Variants in CAMTA1 observed in about 807,000 individuals in gnomAD.
CAMTA1 encodes the protein calmodulin binding transcription activator 1.
In CAMTA1, 27 loss-of-function variants were observed where a neutral mutation model predicts 170.9. The ratio of observed to expected loss-of-function variants is 0.16; its 90% confidence interval spans 0.12 to 0.22. CAMTA1 has a LOEUF of 0.22. Ranked by LOEUF, CAMTA1 falls within the 10% of genes least tolerant of loss-of-function variation. The pLI is 1.00. For missense variants in CAMTA1, 1,619 were observed against 2,217.2 expected (o/e 0.73, Z 5.42); for synonymous variants, 833 against 891.5 (o/e 0.93, Z 1.17).
intron 3 of CAMTA1, among the ~76,000 whole-genome samples, chr1:7,057,301 A>G (rs1707492655): frequency 6.6e-6 from 1 of 152,190 alleles, no homozygotes; most frequent in African/African-American, 2.4e-5. Context: ...TGCAGTGTGC[A>G]CAGGAGCAGC....
intron 3 of CAMTA1, among the ~76,000 whole-genome samples, chr1:6,911,783 T>C (rs1002090421): frequency 4.6e-5 from 7 of 152,220 alleles, no homozygotes; most frequent in Non-Finnish European, 8.8e-5. Flanking sequence ...AATTAACAAC[T>C]TCGAGTGATT....
Position 7,104,049 on chromosome 1 carries a change from CAACT to C in CAMTA1, c.302+12680_302+12683del, listed in dbSNP as rs1422808552. On this transcript the variant is annotated intron_variant, in intron 4 of 22. Coordinates refer to ENST00000303635, the MANE Select transcript of CAMTA1 (RefSeq NM_015215.4). ...ACACTACATATGCATACAACACACA[CAACT>C]ACACAGATGTACACACTACACAGAT... Among the ~76,000 whole-genome samples the C allele has an allele frequency of 5.6e-4, 85 of 150,540 alleles. 1 individual carries two copies. Among genetic ancestry groups the C allele is most frequent in the African/African-American group, 1.0e-3 (41 of 40,882 alleles).
intron 6 of CAMTA1, among the ~76,000 whole-genome samples, chr1:7,554,665 A>G (rs943322621): frequency 6.6e-6 from 1 of 152,036 alleles, no homozygotes; most frequent in Admixed American, 6.5e-5. Context: ...CCTCACACAA[A>G]CACTGACGAT....
At chr1:7,013,251 C>G (rs889497753) in intron 3 of CAMTA1, among the ~76,000 whole-genome samples, 1 of 130,538 alleles carries the variant, frequency 7.7e-6, no homozygotes, top group Non-Finnish European at 1.6e-5. Context: ...GTCTCGCCAG[C>G]CTGTTGCTCA....
chr1:7,512,274 AGTT>A (rs2094211295), intron 6 of CAMTA1, among the ~76,000 whole-genome samples: 1 of 152,246 alleles, frequency 6.6e-6, no homozygotes, highest in Non-Finnish European at 1.5e-5. Context: ...CAGAATCATC[AGTT>A]ATGTAACATG....
chr1:6,877,420 AT>A (rs1025516006), intron 3 of CAMTA1, among the ~76,000 whole-genome samples: 1 of 152,096 alleles, frequency 6.6e-6, no homozygotes, highest in African/African-American at 2.4e-5. Context: ...GTGTGGAAGG[AT>A]TTTTTGTCAT....
chr1:7,204,866 G>C (rs1573880200), intron 4 of CAMTA1, among the ~76,000 whole-genome samples: 1 of 109,208 alleles, frequency 9.2e-6, no homozygotes, highest in East Asian at 2.8e-4. Flanking sequence ...GTCTTGCTCT[G>C]TCACCCAGGC....
chr1:6,950,852 C>T (rs1227763691), intron 3 of CAMTA1, among the ~76,000 whole-genome samples: 1 of 152,202 alleles, frequency 6.6e-6, no homozygotes, highest in African/African-American at 2.4e-5. Flanking sequence ...GCTCTACAAT[C>T]GGATGCCCAG....
chr1:7,377,580 G>A (rs1366057226), intron 5 of CAMTA1, among the ~76,000 whole-genome samples: 2 of 152,194 alleles, frequency 1.3e-5, no homozygotes, highest in African/African-American at 4.8e-5. Flanking sequence ...ACCAATCACT[G>A]CAGCTAGTGG....
intron 5 of CAMTA1, among the ~76,000 whole-genome samples, chr1:7,454,010 G>A (rs1409759807): frequency 6.6e-6 from 1 of 152,246 alleles, no homozygotes; most frequent in Non-Finnish European, 1.5e-5. Context: ...GAACCAGGGA[G>A]GATCTGACAT....
chr1:7,270,398 G>A (rs1306122777), intron 5 of CAMTA1, among the ~76,000 whole-genome samples: 1 of 150,268 alleles, frequency 6.7e-6, no homozygotes, highest in Non-Finnish European at 1.5e-5. Flanking sequence ...AGGTTCAAGC[G>A]ATTCTCCTGC....
chr1:7,739,968 C>T (rs542822403), intron 16 of CAMTA1, among the ~76,000 whole-genome samples: 3 of 152,278 alleles, frequency 2.0e-5, no homozygotes, highest in Admixed American at 6.5e-5. Context: ...TACCACAACA[C>T]ATGGGAATTA....
chr1:7,164,033 A>T (rs1030249454), intron 4 of CAMTA1, among the ~76,000 whole-genome samples: 1 of 152,192 alleles, frequency 6.6e-6, no homozygotes, highest in South Asian at 2.1e-4. Flanking sequence ...GGGTGAGAGA[A>T]TGCTGAGCTC....
At chr1:7,559,213 C>T (rs556681751) in intron 6 of CAMTA1, among the ~76,000 whole-genome samples, 1 of 152,202 alleles carries the variant, frequency 6.6e-6, no homozygotes, top group Non-Finnish European at 1.5e-5. Flanking sequence ...TCTCCACCCC[C>T]AGAGCCTCCC....
intron 5 of CAMTA1, among the ~76,000 whole-genome samples, chr1:7,422,059 G>A (rs946957592): frequency 6.6e-6 from 1 of 152,102 alleles, no homozygotes; most frequent in African/African-American, 2.4e-5. Context: ...AGGGAGAAAA[G>A]TGCCACATGT....
chr1:6,786,370 C>A (rs1050858656), intron 1 of CAMTA1, among the ~76,000 whole-genome samples: 2 of 152,016 alleles, frequency 1.3e-5, no homozygotes, highest in African/African-American at 4.8e-5. Context: ...GTTTCTATGG[C>A]AAGTGAGGAT....
intron 5 of CAMTA1, among the ~76,000 whole-genome samples, chr1:7,424,289 A>G (rs1487024341): frequency 6.6e-6 from 1 of 152,132 alleles, no homozygotes; most frequent in East Asian, 1.9e-4. Flanking sequence ...AAAGAAACCA[A>G]ATTAGAGGTC....
At chr1:7,607,104 G>A (rs1047159842) in intron 6 of CAMTA1, among the ~76,000 whole-genome samples, 1 of 151,834 alleles carries the variant, frequency 6.6e-6, no homozygotes, top group Non-Finnish European at 1.5e-5. Flanking sequence ...TGGAGGAGTA[G>A]GTGGGTAGAT....
intron 5 of CAMTA1, among the ~76,000 whole-genome samples, chr1:7,255,251 T>C (rs1048684497): frequency 2.0e-4 from 31 of 151,964 alleles, no homozygotes; most frequent in African/African-American, 7.3e-4. Flanking sequence ...CAAAACTGCA[T>C]GTTCTGCACA....
Sources: allele counts gnomAD v4.1 joint callset (sites outside exome capture counted in the v4.1 genomes callset), GRCh38; gene constraint gnomAD v4.1.1; transcripts MANE v1.5; gene names NCBI Gene and HGNC (gene_info 2026-07-23, HGNC 2026-07-21).